The following CENPE variants were observed in gnomAD, a reference collection of about 807,000 sequenced individuals.
CENPE encodes the protein centromere-associated protein E.
In CENPE, 145 loss-of-function variants were observed where a neutral mutation model predicts 336.1. The ratio of observed to expected loss-of-function variants is 0.43; its 90% CI spans 0.38 to 0.50. CENPE has a LOEUF of 0.50. Ranked by LOEUF, CENPE falls within the 20% of genes least tolerant of loss-of-function variation. CENPE has a pLI of 0.00. For missense variants in CENPE, 2,719 were observed against 3,023.3 expected (o/e 0.90, Z 2.36); for synonymous variants, 1,013 against 984.8 (o/e 1.03, Z -0.54).
At chr4:103,175,292 AG>A (rs1310107360) in intron 15 of CENPE, among the ~76,000 whole-genome samples, 1 of 151,946 alleles carries the variant, frequency 6.6e-6, no homozygotes, top group African/African-American at 2.4e-5. Flanking sequence ...TACTATAAAG[AG>A]GCCTATTTCT....
Position 103,132,792 on chromosome 4 carries a change from C to A in CENPE, c.6825G>T (p.Trp2275Cys). The A allele has an allele frequency of 6.3e-7, 1 of 1,576,952 alleles. No individual in the cohort carries two copies. Among genetic ancestry groups the A allele is most frequent in the Non-Finnish European group, 8.7e-7 (1 of 1,152,062 alleles). ...TTTCTATATCAAAACGAGTATTTAACCACTCTTCCAAAAACTGTGTCATTT... is the reference window on the plus strand; with the variant it reads ...TTTCTATATCAAAACGAGTATTTAAACACTCTTCCAAAAACTGTGTCATTT... ...RKEMTQFLEE[W>C]LNTRFDIEKL... The change falls in exon 42 of 49, where the codon TGG (tryptophan) becomes TGT (cysteine). Residue 2275 changes from tryptophan (W) to cysteine (C), a missense_variant. This residue lies in a region of CENPE where 2,437 missense variants were observed against 2,513.3 expected (regional missense o/e 0.97). Transcript: ENST00000265148.
intron 16 of CENPE, among the ~76,000 whole-genome samples, chr4:103,172,278 A>G (rs1376393688): frequency 3.3e-5 from 5 of 152,064 alleles, no homozygotes; most frequent in African/African-American, 1.2e-4. Context: ...GATTTATCCC[A>G]GGAATATAAG....
chr4:103,142,537 C>T (rs1379035042), intron 34 of CENPE, among the ~76,000 whole-genome samples: 2 of 152,176 alleles, frequency 1.3e-5, no homozygotes, highest in African/African-American at 2.4e-5. Context: ...ATTTCCTCTA[C>T]TCCTCTTAGG....
intron 8 of CENPE, among the ~76,000 whole-genome samples, chr4:103,192,730 G>T (rs1437990472): frequency 6.6e-6 from 1 of 152,084 alleles, no homozygotes; most frequent in Non-Finnish European, 1.5e-5. Flanking sequence ...GAAGAAAATA[G>T]TTTCGTTTTA....
intron 42 of CENPE, among the ~76,000 whole-genome samples, chr4:103,125,882 A>AG (rs1285794362): frequency 1.3e-5 from 2 of 151,390 alleles, no homozygotes; most frequent in Non-Finnish European, 2.9e-5. Flanking sequence ...AAAAAAAAAA[A>AG]AAAAAGGAGT....
intron 26 of CENPE, among the ~76,000 whole-genome samples, chr4:103,150,446 G>A (rs1753444272): frequency 1.3e-5 from 2 of 152,028 alleles, no homozygotes; most frequent in Admixed American, 6.5e-5. Flanking sequence ...GCTGGGTGTT[G>A]TGGCACAGCT....
intron 1 of CENPE, among the ~76,000 whole-genome samples, chr4:103,197,950 C>G (rs1367469766): frequency 6.6e-6 from 1 of 152,234 alleles, no homozygotes. Context: ...AAGGCACGGT[C>G]CCATACGACT....
At chr4:103,134,521 C>G (rs1751893842) in intron 40 of CENPE, among the ~76,000 whole-genome samples, 1 of 151,224 alleles carries the variant, frequency 6.6e-6, no homozygotes, top group African/African-American at 2.4e-5. Context: ...GTAGTCCCAG[C>G]TACTTGGAGG....
chr4:103,167,510 GA>G (rs1165521649), intron 16 of CENPE, among the ~76,000 whole-genome samples: 3 of 151,266 alleles, frequency 2.0e-5, no homozygotes, highest in African/African-American at 4.9e-5. Context: ...CTCAATCTTA[GA>G]AAAAAAAATC....
intron 13 of CENPE, among the ~76,000 whole-genome samples, chr4:103,179,987 CTGTT>C (rs1301779116): frequency 1.3e-5 from 2 of 152,158 alleles, no homozygotes; most frequent in Non-Finnish European, 2.9e-5. Context: ...ATTAATATTT[CTGTT>C]TAAGTAGAAA....
intron 42 of CENPE, among the ~76,000 whole-genome samples, chr4:103,126,948 TA>T (rs1338693052): frequency 1.3e-5 from 2 of 151,626 alleles, no homozygotes; most frequent in Non-Finnish European, 2.9e-5. Context: ...ATAAAAGGTG[TA>T]ATGTATACAT....
At position 103,109,963 on chromosome 4, in the gene CENPE, C is replaced by A. The variant is rs61264245; in HGVS notation, c.7724+865G>T. On this transcript the variant is annotated intron_variant, in intron 47 of 48. Coordinates refer to ENST00000265148, the MANE Select transcript of CENPE (RefSeq NM_001813.3). The stretch of plus-strand genomic sequence containing the variant: ...TCTCATTCTCTACATTCTGGCCACA[C>A]TGGATGTCTTTCAGTCCCACCAATT... Among the ~76,000 whole-genome samples, 3 of 152,316 alleles carry A rather than the reference C, an allele frequency of 2.0e-5. No individual in the cohort carries two copies. The East Asian group carries it at 5.8e-4, about 29-fold the overall frequency.
rs768918903 is a variant in CENPE at position 103,132,448 on chromosome 4, T to C, written c.6924+245A>G. On this transcript the variant is annotated intron_variant, in intron 42 of 48. Transcript: ENST00000265148. ...GAGAAGGAGAAGAAAAAGAGGACAA[T>C]AGTAAGAGGATTCAAGATTTCACAA... Among the ~76,000 whole-genome samples, 3 of 152,128 alleles carry C rather than the reference T, an allele frequency of 2.0e-5. No homozygotes were observed. The South Asian group carries it at 6.2e-4, about 32-fold the overall frequency.
Position 103,133,686 on chromosome 4 carries a change from A to C in CENPE, c.6720+9T>G. 1 of 1,539,130 alleles carries C rather than the reference A, an allele frequency of 6.5e-7. No homozygotes were observed. On this transcript the variant is annotated intron_variant, in intron 41 of 48. Coordinates refer to ENST00000265148, the MANE Select transcript of CENPE (RefSeq NM_001813.3). ...AAATCTAACTAAATCCATTTAAAAT[A>C]AATTATACCTCAATATGTAGATCCA...
In CENPE at chr4:103,143,420, A is replaced by C; in HGVS notation, c.5146-14T>G. On this transcript the variant is annotated splice_polypyrimidine_tract_variant and intron_variant, in intron 33 of 48. Coordinates refer to ENST00000265148, the MANE Select transcript of CENPE (RefSeq NM_001813.3). ...TTTTTCTAGGTCCTTTATCAATAGA[A>C]AAATAAAAATAATACATTGAGAGTA... 6.6e-7 allele frequency: 1 copy of C among 1,513,328 alleles called. No individual in the cohort carries two copies. The highest frequency in any genetic ancestry group is 9.2e-7 in the Non-Finnish European group (1 of 1,092,110). 93.7% of individuals were successfully genotyped at this position (1,513,328 alleles called of 1,614,324 possible). A position where few individuals can be genotyped will look rare whatever the true frequency, so the allele number is the denominator to read the frequency against.
intron 44 of CENPE, among the ~76,000 whole-genome samples, chr4:103,119,604 T>G (rs930047766): frequency 2.6e-5 from 4 of 152,224 alleles, no homozygotes; most frequent in African/African-American, 9.6e-5. Context: ...AATTTAAATA[T>G]GCCAATTTGG....
At chr4:103,196,882 G>C (rs752708802) in intron 1 of CENPE, 32 bp from the exon 2 acceptor site, 5 of 990,920 alleles carry the variant, frequency 5.0e-6, no homozygotes, top group Non-Finnish European at 8.0e-6. Context: ...ATTTTAACCA[G>C]TCATAAAAGT....
intron 29 of CENPE, among the ~76,000 whole-genome samples, chr4:103,146,833 G>A (rs1027998054): frequency 6.6e-6 from 1 of 152,154 alleles, no homozygotes; most frequent in Non-Finnish European, 1.5e-5. Flanking sequence ...GATAGCCAGG[G>A]AAAGAAATGA....
chr4:103,132,006 C>G (rs1027345646), intron 42 of CENPE, among the ~76,000 whole-genome samples: 17 of 152,098 alleles, frequency 1.1e-4, no homozygotes, highest in African/African-American at 3.6e-4. Flanking sequence ...TAAAATTACT[C>G]TGTATGATAC....
Sources: allele counts gnomAD v4.1 joint callset (sites outside exome capture counted in the v4.1 genomes callset), GRCh38; gene constraint gnomAD v4.1.1; regional missense constraint gnomAD v4.1.1; transcripts MANE v1.5; gene names NCBI Gene and HGNC (gene_info 2026-07-23, HGNC 2026-07-21).